The following CSTF3 variants were observed in gnomAD, a reference collection of about 807,000 sequenced individuals.
CSTF3 encodes the protein CF-1 77 kDa subunit.
A neutral mutation model predicts 105.8 loss-of-function variants in CSTF3; 29 were observed. That is an observed-to-expected ratio of 0.27 (90% confidence interval 0.20 to 0.37). CSTF3 has a LOEUF of 0.37. Ranked by LOEUF, CSTF3 falls within the 10% of genes least tolerant of loss-of-function variation. The pLI is 1.00. For synonymous variants in CSTF3, 252 were observed against 281.9 expected, an observed-to-expected ratio of 0.89 and a Z score of 1.06; for missense variants, 357 against 879.3, an observed-to-expected ratio of 0.41 and a Z score of 7.51.
chr11:33,144,472 C>G (rs1233744991), intron 1 of CSTF3, among the ~76,000 whole-genome samples: 1 of 152,054 alleles, frequency 6.6e-6, no homozygotes, highest in African/African-American at 2.4e-5. Flanking sequence ...AATGGAAAAT[C>G]AGCAAATAAT....
At chr11:33,158,203 G>C (rs1209932388) in intron 1 of CSTF3, among the ~76,000 whole-genome samples, 2 of 152,118 alleles carry the variant, frequency 1.3e-5, no homozygotes, top group Non-Finnish European at 2.9e-5. Context: ...AAAAGTTAAA[G>C]AAAAGGCTAT....
At chr11:33,097,223 G>T (rs1269425547) in intron 13 of CSTF3, among the ~76,000 whole-genome samples, 1 of 152,086 alleles carries the variant, frequency 6.6e-6, no homozygotes, top group African/African-American at 2.4e-5. Flanking sequence ...TATTCACAAG[G>T]TTGTGCAATC....
intron 3 of CSTF3, among the ~76,000 whole-genome samples, chr11:33,121,717 T>C (rs143610581): frequency 6.6e-6 from 1 of 152,208 alleles, no homozygotes; most frequent in African/African-American, 2.4e-5. Flanking sequence ...AAAACCTGAA[T>C]GGCAAGCTCT....
Position 33,099,557 on chromosome 11 carries a change from T to C in CSTF3, c.936+51A>G, listed in dbSNP as rs540357825. ...GTTATATTTTTCAGTAAATAATTGC[T>C]ATATCAAAACCACAAAAATATCAAA... On this transcript the variant is annotated intron_variant, in intron 11 of 20. Transcript: ENST00000323959. The surrounding 1 kb of genome is among the most constrained non-coding windows in gnomAD (Gnocchi z 4.1). 1 of 1,175,612 alleles carries C rather than the reference T, an allele frequency of 8.5e-7. No individual in the cohort carries two copies. Among genetic ancestry groups the C allele is most frequent in the African/African-American group, 1.5e-5 (1 of 65,494 alleles). 72.8% of individuals were successfully genotyped at this position (1,175,612 alleles called of 1,614,324 possible).
At chr11:33,097,492 C>T (rs1358097276) in intron 13 of CSTF3, among the ~76,000 whole-genome samples, 2 of 152,070 alleles carry the variant, frequency 1.3e-5, no homozygotes, top group African/African-American at 2.4e-5. Flanking sequence ...GCCTCAGGCT[C>T]CCAAGTAGCT....
chr11:33,097,923 T>C (rs1344826006), intron 13 of CSTF3, among the ~76,000 whole-genome samples: 1 of 152,208 alleles, frequency 6.6e-6, no homozygotes. Flanking sequence ...GGATGGACTA[T>C]GAGTTCCTCA....
At chr11:33,101,397 A>C (rs1855279149) in intron 10 of CSTF3, among the ~76,000 whole-genome samples, 1 of 152,228 alleles carries the variant, frequency 6.6e-6, no homozygotes, top group Admixed American at 6.5e-5. Context: ...CAACTAAGGG[A>C]GATGAAGTTT....
intron 1 of CSTF3, among the ~76,000 whole-genome samples, chr11:33,153,712 C>CA (rs35247715): frequency 0.4 from 48,743 of 121,602 alleles, 9,614 homozygotes; most frequent in Middle Eastern, 0.51. Flanking sequence ...GTAAAACAGA[C>CA]AAAAAAAAAA....
At chr11:33,128,909 A>G (rs1298027253) in intron 3 of CSTF3, among the ~76,000 whole-genome samples, 1 of 152,160 alleles carries the variant, frequency 6.6e-6, no homozygotes, top group Admixed American at 6.5e-5. Flanking sequence ...TAACTCATAC[A>G]TGTACTTCAA....
chr11:33,113,721 A>G (rs763905369), intron 3 of CSTF3, among the ~76,000 whole-genome samples: 3 of 152,208 alleles, frequency 2.0e-5, no homozygotes, highest in Non-Finnish European at 4.4e-5. Flanking sequence ...TAGAATAGCA[A>G]TATCAAGATC....
In CSTF3 at chr11:33,087,958, C is replaced by T. The variant is rs955971961; in HGVS notation, c.1642-817G>A. On this transcript the variant is annotated intron_variant, in intron 17 of 20. Transcript: ENST00000323959. ...GCCCTATCTCAGAGGAGCTCCTCTGCTCCAGACAACCCAGTGTTACTCTGT... is the reference window on the plus strand; with the variant it reads ...GCCCTATCTCAGAGGAGCTCCTCTGTTCCAGACAACCCAGTGTTACTCTGT... 2.0e-5 allele frequency among the ~76,000 whole-genome samples: 3 copies of T among 152,330 alleles called. No individual in the cohort carries two copies. In the East Asian group the frequency reaches 5.8e-4, roughly 29 times the overall value.
chr11:33,090,750 A>C, intron 16 of CSTF3, 23 bp from the exon 17 acceptor site: 1 of 1,469,738 alleles, frequency 6.8e-7, no homozygotes, highest in Non-Finnish European at 9.1e-7. Flanking sequence ...AAATACAATC[A>C]ATACTTTAAT....
intron 3 of CSTF3, among the ~76,000 whole-genome samples, chr11:33,114,880 A>T (rs1306043176): frequency 6.6e-6 from 1 of 152,080 alleles, no homozygotes; most frequent in Admixed American, 6.6e-5. Flanking sequence ...AATTAACCTG[A>T]CATAACTCTA....
intron 16 of CSTF3, among the ~76,000 whole-genome samples, chr11:33,091,856 G>A (rs1026993344): frequency 6.6e-6 from 1 of 152,056 alleles, no homozygotes; most frequent in African/African-American, 2.4e-5. Context: ...TGGGACTACA[G>A]GCATGCACCA....
At chr11:33,120,956 A>T (rs2133786713) in intron 3 of CSTF3, among the ~76,000 whole-genome samples, 1 of 152,208 alleles carries the variant, frequency 6.6e-6, no homozygotes, top group Middle Eastern at 3.4e-3. Context: ...CTATCAGTAA[A>T]TTCAGACTAA....
Position 33,099,588 on chromosome 11 carries a change from GA to G in CSTF3, c.936+19del, listed in dbSNP as rs774799298. 1 of 1,461,576 alleles carries G rather than the reference GA, an allele frequency of 6.8e-7. No individual in the cohort carries two copies. Among genetic ancestry groups the G allele is most frequent in the African/African-American group, 1.4e-5 (1 of 71,430 alleles). The allele number at this position is 1,461,576 out of a possible 1,614,324, so 90.5% of individuals were successfully genotyped here. On this transcript the variant is annotated intron_variant, in intron 11 of 20. Transcript: ENST00000323959. This position sits in a 1 kb window ranked among gnomAD's most constrained non-coding sequence, Gnocchi z 4.1. ...AAAACCACAAAAATATCAAAGTGGG[GA>G]TAGGGAAGGAACACTTACTCCCTTT... is the stretch of plus-strand genomic sequence containing the variant.
intron 3 of CSTF3, among the ~76,000 whole-genome samples, chr11:33,116,777 T>G (rs1206796497): frequency 2.6e-5 from 4 of 152,010 alleles, no homozygotes; most frequent in Non-Finnish European, 1.5e-5. Flanking sequence ...TGGCTTTTAG[T>G]GCTATGGGAT....
In CSTF3 at chr11:33,102,194, G is replaced by T. The variant is rs1418573446; in HGVS notation, c.809C>A (p.Thr270Asn). The T allele has an allele frequency of 6.2e-7, 1 of 1,613,758 alleles. No individual in the cohort carries two copies. The highest frequency in any genetic ancestry group is 1.7e-5 in the Admixed American group (1 of 60,004). The change falls in exon 10 of 21, where the codon ACC becomes AAC. Residue 270 changes from threonine to asparagine, a missense_variant. Physicochemically the swap from Thr to Asn is moderately conservative, Grantham distance 65 (BLOSUM62 0). Coordinates refer to ENST00000323959, the MANE Select transcript of CSTF3 (RefSeq NM_001326.3). ...CATGTTACCTCTTTTTGTTATAAGGGTCTGATCCTCTGTACGAAGAGGGTT... is the reference window on the plus strand; with the variant it reads ...CATGTTACCTCTTTTTGTTATAAGGTTCTGATCCTCTGTACGAAGAGGGTT... ...KSNPLRTEDQ[T>N]LITKRVMFAY...
chr11:33,159,151 A>G (rs1791969391), intron 1 of CSTF3, among the ~76,000 whole-genome samples: 1 of 152,140 alleles, frequency 6.6e-6, no homozygotes, highest in African/African-American at 2.4e-5. Flanking sequence ...GTGTCAAAAT[A>G]CTTTCAAATA....
Sources: allele counts gnomAD v4.1 joint callset (sites outside exome capture counted in the v4.1 genomes callset), GRCh38; gene constraint gnomAD v4.1.1; non-coding constraint Gnocchi (gnomAD v3.1); transcripts MANE v1.5; gene names NCBI Gene and HGNC (gene_info 2026-07-23, HGNC 2026-07-21).